The following PHF14 variants were observed in gnomAD, a reference collection of about 807,000 sequenced individuals.
The protein encoded by PHF14 is PHD finger protein 14.
In PHF14, 55 loss-of-function variants were observed where a neutral mutation model predicts 117.9. That is an observed-to-expected ratio of 0.47 (90% CI 0.38 to 0.58). PHF14 has a LOEUF of 0.58. PHF14 is among the 20% of genes least tolerant of loss of function. The pLI, the probability that PHF14 is intolerant of heterozygous loss-of-function variation, is 0.00. For synonymous variants in PHF14, 409 were observed against 368.6 expected, an observed-to-expected ratio of 1.11 and a Z score of -1.26; for missense variants, 978 against 1,122.2, an observed-to-expected ratio of 0.87 and a Z score of 1.84.
chr7:11,025,511 C>T lies in PHF14; in HGVS notation c.1317+2532C>T, dbSNP rs150173923. Among the ~76,000 whole-genome samples the T allele has an allele frequency of 3.5e-4, 53 of 152,172 alleles. 3 individuals carry two copies. The highest frequency in any genetic ancestry group is 1.3e-3 in the African/African-American group (52 of 41,548). The stretch of plus-strand genomic sequence containing the variant: ...TCATTGTTTTATTTTAAGAACTTGC[C>T]AGCCGGGCACGGTGGCTCACACCTG... On this transcript the variant is annotated intron_variant, in intron 6 of 17. Transcript: ENST00000634607.
chr7:11,105,643 GT>G, intron 16 of PHF14: 1 of 984,524 alleles, frequency 1.0e-6, no homozygotes, highest in South Asian at 4.7e-5. Flanking sequence ...CACTTTGTAA[GT>G]TTACATAAAA....
chr7:11,001,073 C>T (rs765728975), intron 4 of PHF14, among the ~76,000 whole-genome samples: 15 of 151,772 alleles, frequency 9.9e-5, no homozygotes, highest in Admixed American at 4.6e-4. Context: ...ATTTTTGTTA[C>T]GAGTATACGG....
chr7:10,982,993 G>A lies in PHF14; in HGVS notation c.734G>A (p.Gly245Glu). 6.3e-7 allele frequency: 1 copy of A among 1,583,934 alleles called. No homozygotes were observed. Among genetic ancestry groups the A allele is most frequent in the Non-Finnish European group, 8.6e-7 (1 of 1,165,888 alleles). ...GAGGATGATGAAGATGAGGGAAGCG[G>A]GAGTGATGAAGACGAGAATGATGAA... ...DNEDDEDEGS[G>E]SDEDENDEGN... Residue 245 changes from glycine (G) to glutamate (E), a missense_variant, in exon 3 of 18, where the codon GGG becomes GAG. Transcript: ENST00000634607.
intron 16 of PHF14, among the ~76,000 whole-genome samples, chr7:11,072,242 G>A (rs1030883682): frequency 1.3e-5 from 2 of 152,150 alleles, no homozygotes; most frequent in Non-Finnish European, 2.9e-5. Flanking sequence ...CAAAGAGAGA[G>A]ATGTGAGAGA....
At chr7:11,074,567 T>C (rs557304239) in intron 16 of PHF14, among the ~76,000 whole-genome samples, 13 of 152,300 alleles carry the variant, frequency 8.5e-5, no homozygotes, top group South Asian at 8.3e-4. Context: ...TAGGCTGTTA[T>C]AAGCAGCCAG....
chr7:11,145,597 T>G (rs1208490325), intron 17 of PHF14, among the ~76,000 whole-genome samples: 1 of 151,992 alleles, frequency 6.6e-6, no homozygotes, highest in Admixed American at 6.5e-5. Context: ...ACCATTGCCC[T>G]AAAGCAGCAA....
chr7:11,166,527 A>G (rs565145745), intron 17 of PHF14, among the ~76,000 whole-genome samples: 2 of 152,314 alleles, frequency 1.3e-5, no homozygotes, highest in African/African-American at 4.8e-5. Context: ...TCTTACAAAA[A>G]TTGACCTGCA....
intron 5 of PHF14, among the ~76,000 whole-genome samples, chr7:11,020,501 C>T (rs10269354): frequency 6.6e-6 from 1 of 152,124 alleles, no homozygotes; most frequent in East Asian, 1.9e-4. Flanking sequence ...ACCTCAGCCT[C>T]CCAAGTAGCT....
intron 17 of PHF14, among the ~76,000 whole-genome samples, chr7:11,117,403 TAGG>T (rs1787626885): frequency 6.6e-6 from 1 of 151,804 alleles, no homozygotes; most frequent in African/African-American, 2.4e-5. Flanking sequence ...CAAGTCCTTA[TAGG>T]AGATTTTCTA....
chr7:11,117,621 G>C (rs13223218), intron 17 of PHF14, among the ~76,000 whole-genome samples: 4 of 71,012 alleles, frequency 5.6e-5, no homozygotes, highest in Admixed American at 1.9e-4. Flanking sequence ...ATATGTATTT[G>C]TATGTATAAA....
At position 11,130,399 on chromosome 7, in the gene PHF14, C is replaced by T. The variant is rs1293305588; in HGVS notation, c.2772+18932C>T. On this transcript the variant is annotated intron_variant, in intron 17 of 17. Coordinates refer to ENST00000634607, the MANE Select transcript of PHF14 (RefSeq NM_001007157.2). The surrounding 1 kb of genome is among the most constrained non-coding windows in gnomAD (Gnocchi z 4.2). ...GTATATACAATTTATATGGGGGAAA[C>T]TGCATAATAGTGTGAAATGTAATGG... Among the ~76,000 whole-genome samples, 1 of 151,944 alleles carries T rather than the reference C, an allele frequency of 6.6e-6. No individual in the cohort carries two copies. Among genetic ancestry groups the T allele is most frequent in the Non-Finnish European group, 1.5e-5 (1 of 67,944 alleles).
At chr7:11,089,866 C>G (rs2906554) in intron 16 of PHF14, among the ~76,000 whole-genome samples, 71,470 of 148,380 alleles carry the variant, frequency 0.48, 17,488 homozygotes, top group East Asian at 0.86. Context: ...CACCTCCTGG[C>G]TTCAAGCGAT....
At chr7:11,049,306 C>G (rs1389000011) in intron 13 of PHF14, among the ~76,000 whole-genome samples, 3 of 151,838 alleles carry the variant, frequency 2.0e-5, no homozygotes, top group Admixed American at 2.0e-4. Flanking sequence ...GAAACCCTGT[C>G]TCTACTAAAA....
chr7:11,119,055 G>A (rs1249367260), intron 17 of PHF14, among the ~76,000 whole-genome samples: 2 of 151,772 alleles, frequency 1.3e-5, no homozygotes, highest in African/African-American at 2.4e-5. Flanking sequence ...GAAAAACTAA[G>A]CCATTTTCTA....
intron 17 of PHF14, among the ~76,000 whole-genome samples, chr7:11,158,029 C>T (rs1788918883): frequency 6.6e-6 from 1 of 152,066 alleles, no homozygotes; most frequent in Non-Finnish European, 1.5e-5. Context: ...TACCCAGCTT[C>T]TCTTTAGGTT....
chr7:11,138,135 G>C (rs757554536), intron 17 of PHF14, among the ~76,000 whole-genome samples: 1 of 151,644 alleles, frequency 6.6e-6, no homozygotes, highest in Non-Finnish European at 1.5e-5. Flanking sequence ...CTGCCTCCTG[G>C]ATTCACGCCA....
chr7:11,138,292 C>T (rs566626625), intron 17 of PHF14, among the ~76,000 whole-genome samples: 5 of 151,872 alleles, frequency 3.3e-5, no homozygotes, highest in Admixed American at 6.6e-5. Context: ...CCACCCGCCT[C>T]GGCCCCCCAA....
intron 16 of PHF14, among the ~76,000 whole-genome samples, chr7:11,072,649 A>G (rs1433080312): frequency 6.6e-6 from 1 of 152,158 alleles, no homozygotes. Flanking sequence ...AGCAACTCTG[A>G]TATAACATAT....
intron 17 of PHF14, among the ~76,000 whole-genome samples, chr7:11,156,718 C>T (rs951781423): frequency 1.3e-5 from 2 of 152,028 alleles, no homozygotes; most frequent in African/African-American, 4.8e-5. Context: ...TCGCTGAATC[C>T]AGGAGGCAGA....
Sources: allele counts gnomAD v4.1 joint callset (sites outside exome capture counted in the v4.1 genomes callset), GRCh38; gene constraint gnomAD v4.1.1; non-coding constraint Gnocchi (gnomAD v3.1); transcripts MANE v1.5; gene names NCBI Gene and HGNC (gene_info 2026-07-23, HGNC 2026-07-21).